UBN2: variants seen among roughly 807,000 people sequenced by gnomAD.
The protein encoded by UBN2 is ubinuclein-2.
UBN2 carries 35 observed loss-of-function variants against 120.2 expected under a neutral mutation model. That is an observed-to-expected ratio of 0.29 (90% CI 0.22 to 0.39). UBN2 has a LOEUF of 0.39. Ranked by LOEUF, UBN2 falls within the 10% of genes least tolerant of loss-of-function variation. The pLI is 1.00. For synonymous variants in UBN2, 661 were observed against 648.7 expected (o/e 1.02, Z -0.29); for missense variants, 1,693 against 1,663.2 (o/e 1.02, Z -0.31).
rs1157493399 is a variant in UBN2, at chr7:139,231,589, C to A, written c.105C>A (p.Pro35=). ...PEREPEYPRE[P]PRLEPQPYRE... is the part of the protein sequence containing the mutation. ...GTGAGCCCGAGTACCCCCGCGAGCC[C>A]CCCCGGCTGGAGCCGCAGCCGTACC... The change falls in exon 1 of 18, where the codon CCC becomes CCA. Residue 35 remains proline (P), a synonymous_variant. Coordinates refer to ENST00000473989, the MANE Select transcript of UBN2 (RefSeq NM_173569.4). 1.4e-6 allele frequency: 2 copies of A among 1,394,068 alleles called. No homozygotes were observed. Among genetic ancestry groups the A allele is most frequent in the South Asian group, 1.6e-5 (1 of 64,020 alleles). The allele number at this position is 1,394,068 out of a possible 1,614,324, so 86.4% of individuals were successfully genotyped here.
At chr7:139,259,496 T>C (rs1361668995) in intron 5 of UBN2, 126 bp downstream of exon 5, 2 of 1,261,726 alleles carry the variant, frequency 1.6e-6, no homozygotes, top group Non-Finnish European at 2.1e-6. Flanking sequence ...TATTGACATA[T>C]TAGTGACTTA....
At chr7:139,274,706 G>A (rs912023357) in intron 11 of UBN2, among the ~76,000 whole-genome samples, 1 of 151,382 alleles carries the variant, frequency 6.6e-6, no homozygotes, top group African/African-American at 2.4e-5. Context: ...AGGTTGTGGT[G>A]AGCCGAGATT....
Position 139,293,381 on chromosome 7 carries a change from A to C in UBN2, c.3819A>C (p.Ile1273=), listed in dbSNP as rs747413141. Residue 1273 remains isoleucine, a synonymous_variant, in exon 16 of 18, where the codon ATA becomes ATC. Transcript: ENST00000473989. ...TGCCCTTCCAGTTTCCCTTGGAGATATTTGGCTTTGGAACGGACACAGCTG... is the reference window on the plus strand; with the variant it reads ...TGCCCTTCCAGTTTCCCTTGGAGATCTTTGGCTTTGGAACGGACACAGCTG... ...VTMPFQFPLE[I]FGFGTDTAGV... 6.2e-7 allele frequency: 1 copy of C among 1,613,924 alleles called. No homozygotes were observed. Among genetic ancestry groups the C allele is most frequent in the Non-Finnish European group, 8.5e-7 (1 of 1,179,992 alleles).
At chr7:139,293,572 G>GTTTTTTTT in intron 16 of UBN2, 109 bp downstream of exon 16, 1 of 690,118 alleles carries the variant, frequency 1.4e-6, no homozygotes, top group Non-Finnish European at 2.3e-6. Flanking sequence ...GAAGATTATA[G>GTTTTTTTT]TTTTTTTTTT....
intron 12 of UBN2, 27 bp from the exon 13 acceptor site, chr7:139,279,291 T>C (rs1044600514): frequency 6.3e-7 from 1 of 1,591,450 alleles, no homozygotes; most frequent in East Asian, 2.2e-5. Context: ...GCTACTGAAA[T>C]AGCCTTTTAA....
At chr7:139,309,389 C>T (rs1419150839), downstream of UBN2, among the ~76,000 whole-genome samples, 6 of 152,296 alleles carry the variant, frequency 3.9e-5, no homozygotes, top group Non-Finnish European at 8.8e-5. Flanking sequence ...CTTTAGCTAA[C>T]ATTTAAGGAC....
rs144482794 is a variant in UBN2 at position 139,293,934 on chromosome 7, C to T, written c.3947C>T (p.Thr1316Met). The T allele has an allele frequency of 2.0e-3, 3,301 of 1,614,136 alleles. 2 individuals are homozygous for T. The highest frequency in any genetic ancestry group is 2.5e-3 in the Non-Finnish European group (2,975 of 1,180,016). ...CCAGGAGGAGCTCAGCATGCAGCAA[C>T]GCTTTCCCACTCACCTCTGCCTGCA... ...LQPGGAQHAA[T>M]LSHSPLPAHL... Residue 1316 changes from threonine to methionine, a missense_variant, in exon 17 of 18, where the codon ACG becomes ATG. By Grantham distance (81) the Thr-to-Met change is moderately conservative. Coordinates refer to ENST00000473989, the MANE Select transcript of UBN2 (RefSeq NM_173569.4).
chr7:139,246,664 G>GA (rs1796478679), intron 2 of UBN2, among the ~76,000 whole-genome samples: 1 of 152,256 alleles, frequency 6.6e-6, no homozygotes, highest in African/African-American at 2.4e-5. Flanking sequence ...TCATGATACG[G>GA]AACAATTGCA....
Position 139,231,454 on chromosome 7 carries a change from C to G in UBN2, c.-31C>G. 1.5e-6 allele frequency: 2 copies of G among 1,295,210 alleles called. No individual in the cohort carries two copies. Among genetic ancestry groups the G allele is most frequent in the Non-Finnish European group, 2.0e-6 (2 of 1,015,262 alleles). The allele number at this position is 1,295,210 out of a possible 1,614,324, so 80.2% of individuals were successfully genotyped here. On this transcript the variant is annotated 5_prime_UTR_variant, in exon 1 of 18. Coordinates refer to ENST00000473989, the MANE Select transcript of UBN2 (RefSeq NM_173569.4). ...CGCGCCGTAGAAGCGAGCGCCGGCT[C>G]GAGCAAAAGCGGAGGGCCAGAACAG...
intron 3 of UBN2, among the ~76,000 whole-genome samples, chr7:139,258,044 A>G (rs1226466800): frequency 6.6e-6 from 1 of 152,260 alleles, no homozygotes; most frequent in African/African-American, 2.4e-5. Flanking sequence ...AACTGGGATT[A>G]TAGGCGTGAG....
intron 2 of UBN2, among the ~76,000 whole-genome samples, chr7:139,238,926 G>A (rs1022234224): frequency 6.6e-6 from 1 of 152,086 alleles, no homozygotes; most frequent in African/African-American, 2.4e-5. Context: ...AAATCCTATA[G>A]GATGTATAAA....
At chr7:139,256,865 G>A (rs1796779341) in intron 3 of UBN2, among the ~76,000 whole-genome samples, 1 of 152,002 alleles carries the variant, frequency 6.6e-6, no homozygotes, top group Non-Finnish European at 1.5e-5. Flanking sequence ...TTTTAATTCA[G>A]TGTGATTAAA....
In UBN2 at chr7:139,305,112, G is replaced by A. The variant is rs1798337018; in HGVS notation, c.*7276G>A. On this transcript the variant is annotated 3_prime_UTR_variant, in exon 18 of 18. Transcript: ENST00000473989. Reference sequence around the variant, plus strand: ...ATCATCCCAGTGTTCAATTCTGAGAGTTTTAGATTATATGACACAATGTTC... The same window carrying A: ...ATCATCCCAGTGTTCAATTCTGAGAATTTTAGATTATATGACACAATGTTC... The A allele has an allele frequency of 6.6e-6, 1 of 152,200 alleles. No homozygotes were observed. Among genetic ancestry groups the A allele is most frequent in the African/African-American group, 2.4e-5 (1 of 41,458 alleles). 9.4% of individuals were successfully genotyped at this position (152,200 alleles called of 1,614,324 possible).
chr7:139,261,736 C>T lies in UBN2; in HGVS notation c.1390C>T (p.Arg464Cys), dbSNP rs767697618. 5.0e-6 allele frequency: 8 copies of T among 1,609,466 alleles called. No individual in the cohort carries two copies. The highest frequency in any genetic ancestry group is 2.2e-5 in the East Asian group (1 of 44,750). ...VLLEKRIEDL[R>C]VAAKLFDEEG... ...TCTTGAAAAACGTATCGAAGACCTT[C>T]GTGTAGTAAGTGTAATAATTCTCTT... is the stretch of plus-strand genomic sequence containing the variant. The change falls in exon 6 of 18, where the codon CGT becomes TGT. Residue 464 changes from arginine (R) to cysteine (C), a missense_variant. Arg to Cys is a radical substitution (Grantham distance 180). Around this residue, in one of 5 missense-constraint regions of UBN2, gnomAD observed 178 missense variants for 204.0 expected, o/e 0.87. Coordinates refer to ENST00000473989, the MANE Select transcript of UBN2 (RefSeq NM_173569.4).
At chr7:139,315,593 A>C in the UBN2 span, among the ~76,000 whole-genome samples, 1 of 152,216 alleles carries the variant, frequency 6.6e-6, no homozygotes, top group African/African-American at 2.4e-5. Context: ...TAATGCTCCT[A>C]TTAACACTTG....
At chr7:139,270,495 C>G (rs1228492572) in intron 8 of UBN2, among the ~76,000 whole-genome samples, 1 of 152,068 alleles carries the variant, frequency 6.6e-6, no homozygotes, top group East Asian at 1.9e-4. Flanking sequence ...TCTTGATCTC[C>G]TGACCTCAGG....
chr7:139,289,414 C>CTTTTTTTTTTTTTTTTTT lies in UBN2; in HGVS notation c.3670-3802_3670-3801insTTTTTTTTTTTTTTTTTT, dbSNP rs1161484759. ...ATTGCCCTCCCTAATTTACATTTTG[C>CTTTTTTTTTTTTTTTTTT]TTTTTTTTTTTTTTTTGAGACAGGG... On this transcript the variant is annotated intron_variant, in intron 15 of 17. Coordinates refer to ENST00000473989, the MANE Select transcript of UBN2 (RefSeq NM_173569.4). 2.3e-3 allele frequency among the ~76,000 whole-genome samples: 292 copies of CTTTTTTTTTTTTTTTTTT among 125,698 alleles called. 12 individuals carry two copies. Among genetic ancestry groups the CTTTTTTTTTTTTTTTTTT allele is most frequent in the Admixed American group, 8.3e-3 (92 of 11,050 alleles). 82.5% of individuals were successfully genotyped at this position (125,698 alleles called of 152,430 possible).
At position 139,283,596 on chromosome 7, in the gene UBN2, C is replaced by G. The variant is rs767992833; in HGVS notation, c.2691C>G (p.Val897=). The G allele has an allele frequency of 1.2e-6, 2 of 1,614,048 alleles. No homozygotes were observed. The highest frequency in any genetic ancestry group is 1.7e-6 in the Non-Finnish European group (2 of 1,180,030). Residue 897 remains valine (V), a synonymous_variant, in exon 15 of 18, where the codon GTC becomes GTG. Transcript: ENST00000473989. ...IHTSSSSQTH[V]SSSSQAQIAA... ...CTTCTTCCTCTTCACAGACCCATGT[C>G]TCCTCTTCTTCCCAAGCCCAAATTG...
downstream of UBN2, among the ~76,000 whole-genome samples, chr7:139,309,899 T>C (rs548553817): frequency 6.6e-6 from 1 of 152,352 alleles, no homozygotes; most frequent in East Asian, 1.9e-4. Context: ...TTAGAAAATA[T>C]ACAAAAGAAC....
Sources: gnomAD v4.1 joint callset for allele counts (sites outside exome capture counted in the v4.1 genomes callset) on GRCh38, gnomAD v4.1.1 for gene constraint, gnomAD v4.1.1 regional missense constraint, MANE v1.5 for transcripts, NCBI Gene and HGNC (gene_info 2026-07-23, HGNC 2026-07-21) for gene names.